TLE4: variants seen among roughly 807,000 people sequenced by gnomAD.
TLE4 encodes the protein TLE family member 4, transcriptional corepressor.
Under a neutral mutation model 92.8 loss-of-function variants are expected in TLE4, and 8 were observed. The ratio of observed to expected loss-of-function variants is 0.09; its 90% confidence interval spans 0.05 to 0.16. The LOEUF (loss-of-function observed/expected upper bound fraction) is 0.16, where lower values mean the gene tolerates loss of function less well. Among genes scored for constraint, TLE4 ranks in the 10% least tolerant of loss-of-function variants. The pLI is 1.00. For synonymous variants in TLE4, 371 were observed against 374.1 expected (o/e 0.99, Z 0.10); for missense variants, 675 against 997.6 (o/e 0.68, Z 4.36).
rs779592835 is a variant in TLE4 at position 79,709,601 on chromosome 9, G to T, written c.1264-22G>T. 6.8e-6 allele frequency: 11 copies of T among 1,612,054 alleles called. No individual in the cohort carries two copies. In the South Asian group the frequency reaches 1.2e-4, roughly 18 times the overall value. Reference sequence around the variant, plus strand: ...AAATGTAACTGTGCTTATTTCTGTTGTTTGCTTGGGAAAAATTCTAGGTGG... The same window carrying T: ...AAATGTAACTGTGCTTATTTCTGTTTTTTGCTTGGGAAAAATTCTAGGTGG... On this transcript the variant is annotated intron_variant, in intron 13 of 19. Transcript: ENST00000376552.
At chr9:79,711,392 A>C (rs138164352) in intron 14 of TLE4, among the ~76,000 whole-genome samples, 3 of 152,240 alleles carry the variant, frequency 2.0e-5, no homozygotes, top group Non-Finnish European at 4.4e-5. Context: ...AGTTGGGTCT[A>C]TTTCAAGCAA....
rs113294393 is a variant in TLE4, at chr9:79,626,357, A to C, written c.316-1017A>C. On this transcript the variant is annotated intron_variant, in intron 5 of 19. Transcript: ENST00000376552. ...TGAAGAAAGTTAGCTAAATTTCTCA[A>C]CTGAGATTAACCAAAATAAGACTCT... Among the ~76,000 whole-genome samples the C allele has an allele frequency of 4.4e-3, 669 of 152,346 alleles. 7 individuals carry two copies. The highest frequency in any genetic ancestry group is 0.014 in the African/African-American group (562 of 41,584).
intron 8 of TLE4, among the ~76,000 whole-genome samples, chr9:79,676,238 G>A (rs1588118764): frequency 6.6e-6 from 1 of 152,080 alleles, no homozygotes; most frequent in Non-Finnish European, 1.5e-5. Context: ...AACAAATAGA[G>A]TAAATAAATT....
intron 8 of TLE4, among the ~76,000 whole-genome samples, chr9:79,698,862 T>C (rs1442804718): frequency 6.8e-6 from 1 of 146,164 alleles, no homozygotes; most frequent in East Asian, 1.9e-4. Flanking sequence ...TTATTTCTTA[T>C]ATATATATAC....
intron 8 of TLE4, among the ~76,000 whole-genome samples, chr9:79,667,447 A>G (rs2061578987): frequency 6.6e-6 from 1 of 152,236 alleles, no homozygotes; most frequent in Admixed American, 6.5e-5. Context: ...TTTGTTAAAT[A>G]AATGTCAATA....
At chr9:79,592,308 C>T (rs1394245336) in intron 4 of TLE4, among the ~76,000 whole-genome samples, 1 of 138,084 alleles carries the variant, frequency 7.2e-6, no homozygotes, top group Non-Finnish European at 1.5e-5. Context: ...CAGGGTCTCA[C>T]TCTGATGCCC....
chr9:79,723,100 G>C, intron 19 of TLE4, 65 bp downstream of exon 19: 2 of 1,467,792 alleles, frequency 1.4e-6, no homozygotes, highest in East Asian at 2.3e-5. Context: ...CATTCTCTCA[G>C]ATTAATAATG....
chr9:79,716,938 A>G (rs564944682), intron 14 of TLE4, among the ~76,000 whole-genome samples: 1 of 152,344 alleles, frequency 6.6e-6, no homozygotes, highest in East Asian at 1.9e-4. Context: ...TGTTAAGTGA[A>G]TGAATCTTAG....
At chr9:79,647,623 G>C (rs2058292529) in intron 6 of TLE4, among the ~76,000 whole-genome samples, 1 of 152,080 alleles carries the variant, frequency 6.6e-6, no homozygotes, top group South Asian at 2.1e-4. Context: ...ATTCATCAGT[G>C]TATAAAATCA....
chr9:79,651,033 C>A (rs2058877736), intron 6 of TLE4, among the ~76,000 whole-genome samples: 2 of 23,580 alleles, frequency 8.5e-5, no homozygotes, highest in South Asian at 4.6e-3. Context: ...AATGATCGAT[C>A]TCTCTCTCTC....
intron 4 of TLE4, among the ~76,000 whole-genome samples, chr9:79,599,041 T>A (rs1005019379): frequency 2.6e-5 from 4 of 152,178 alleles, no homozygotes; most frequent in Non-Finnish European, 5.9e-5. Context: ...TTGTGGTATG[T>A]TTTGTGGTTA....
intron 14 of TLE4, among the ~76,000 whole-genome samples, chr9:79,710,942 G>A (rs1384794814): frequency 6.6e-6 from 1 of 152,170 alleles, no homozygotes; most frequent in Admixed American, 6.5e-5. Flanking sequence ...ATGGATATGT[G>A]CTGATTTCTT....
In TLE4 at chr9:79,721,796, A is replaced by G. The variant is rs778440119; in HGVS notation, c.1894A>G (p.Thr632Ala). 3.1e-6 allele frequency: 5 copies of G among 1,614,180 alleles called. No individual in the cohort carries two copies. Among genetic ancestry groups the G allele is most frequent in the South Asian group, 1.1e-5 (1 of 91,084 alleles). Residue 632 changes from threonine to alanine, a missense_variant, in exon 17 of 20, where the codon ACC (threonine) becomes GCC (alanine). Physicochemically the swap from Thr to Ala is moderately conservative, Grantham distance 58. Transcript: ENST00000376552. ...ASCIDISNDGTKLWTGGLDNT... is the reference protein window; with the variant it reads ...ASCIDISNDGAKLWTGGLDNT... The stretch of plus-strand genomic sequence containing the variant: ...CTGTATTGACATTTCTAATGATGGC[A>G]CCAAGCTCTGGACAGGTGGTTTGGA...
At chr9:79,704,925 TA>T in intron 9 of TLE4, 23 bp downstream of exon 9, 1 of 1,612,796 alleles carries the variant, frequency 6.2e-7, no homozygotes, top group South Asian at 1.1e-5. Context: ...ACCTTTGTGT[TA>T]GGGGAGGCCA....
chr9:79,606,170 A>T (rs79144581), intron 4 of TLE4, among the ~76,000 whole-genome samples: 1 of 52,878 alleles, frequency 1.9e-5, no homozygotes, highest in East Asian at 5.6e-4. Flanking sequence ...TTATTGCTTT[A>T]TTAAGCAGTA....
intron 16 of TLE4, 125 bp downstream of exon 16, chr9:79,720,418 G>A (rs2075423126): frequency 2.7e-6 from 3 of 1,112,160 alleles, no homozygotes; most frequent in Admixed American, 3.4e-5. Flanking sequence ...GTGTGTGTGT[G>A]TGTGTGTAAA....
intron 6 of TLE4, among the ~76,000 whole-genome samples, chr9:79,640,187 C>T (rs1266094012): frequency 1.3e-5 from 2 of 151,900 alleles, no homozygotes; most frequent in Non-Finnish European, 2.9e-5. Flanking sequence ...AAGGAATGGC[C>T]ATATGAATAC....
chr9:79,687,137 G>C (rs902036919), intron 8 of TLE4, among the ~76,000 whole-genome samples: 3 of 152,156 alleles, frequency 2.0e-5, no homozygotes, highest in African/African-American at 4.8e-5. Flanking sequence ...CTCAGTTTGC[G>C]TTTATGTAGC....
intron 14 of TLE4, 88 bp from the exon 15 acceptor site, chr9:79,718,634 G>A (rs1020471685): frequency 6.8e-7 from 1 of 1,464,658 alleles, no homozygotes; most frequent in Non-Finnish European, 9.1e-7. Context: ...GGCACTGAAG[G>A]TGTTTTATTT....
Sources: allele counts gnomAD v4.1 joint callset (sites outside exome capture counted in the v4.1 genomes callset), GRCh38; gene constraint gnomAD v4.1.1; transcripts MANE v1.5; gene names NCBI Gene and HGNC (gene_info 2026-07-23, HGNC 2026-07-21).